The following DCC variants were observed in gnomAD, a reference collection of about 807,000 sequenced individuals.
DCC encodes netrin receptor DCC.
In DCC, 58 loss-of-function variants were observed where a neutral mutation model predicts 172.5. That is an observed-to-expected ratio of 0.34 (90% CI 0.27 to 0.42). The LOEUF is 0.42. Among genes scored for constraint, DCC ranks in the 10% least tolerant of loss-of-function variants. The probability of loss-of-function intolerance (pLI) is 1.00; values close to 1 mark genes in which losing one functional copy is unlikely to be tolerated. For synonymous variants in DCC, 709 were observed against 644.5 expected (o/e 1.10, Z -1.52); for missense variants, 1,740 against 1,791.0 (o/e 0.97, Z 0.51).
intron 18 of DCC, among the ~76,000 whole-genome samples, chr18:53,401,925 G>A (rs755964761): frequency 1.3e-5 from 2 of 152,106 alleles, no homozygotes; most frequent in Non-Finnish European, 2.9e-5. Context: ...AGTAGTCTTA[G>A]GAGCAGGACT....
At chr18:53,160,211 A>G (rs2054814224) in intron 8 of DCC, among the ~76,000 whole-genome samples, 1 of 152,144 alleles carries the variant, frequency 6.6e-6, no homozygotes. Flanking sequence ...ACTTGCTGCC[A>G]TGGTTATACC....
intron 1 of DCC, among the ~76,000 whole-genome samples, chr18:52,509,579 C>T (rs62081288): frequency 6.6e-6 from 1 of 152,302 alleles, no homozygotes; most frequent in East Asian, 1.9e-4. Context: ...CTTCTTCCAT[C>T]TCATCCAGAA....
At chr18:53,216,417 A>C (rs962639950) in intron 12 of DCC, among the ~76,000 whole-genome samples, 1 of 152,176 alleles carries the variant, frequency 6.6e-6, no homozygotes, top group Non-Finnish European at 1.5e-5. Flanking sequence ...AGGTCTTAGA[A>C]AAAGTCATAC....
At chr18:53,069,379 G>T (rs147014311) in intron 7 of DCC, among the ~76,000 whole-genome samples, 184 of 152,208 alleles carry the variant, frequency 1.2e-3, no homozygotes, top group African/African-American at 4.2e-3. Context: ...GAAGAACAAG[G>T]GTGTCAGTTC....
intron 20 of DCC, among the ~76,000 whole-genome samples, chr18:53,411,086 C>A (rs191429982): frequency 1.7e-4 from 25 of 146,438 alleles, no homozygotes; most frequent in African/African-American, 5.7e-4. Flanking sequence ...AGTTCCAAAC[C>A]AAAAAAAAAG....
intron 1 of DCC, among the ~76,000 whole-genome samples, chr18:52,700,048 C>CA (rs34893826): frequency 0.01 from 1,462 of 140,590 alleles, 19 homozygotes; most frequent in African/African-American, 0.028. Flanking sequence ...TCTGTTTATG[C>CA]AAAAAAAAAA....
chr18:52,567,046 C>T (rs1419759608), intron 1 of DCC, among the ~76,000 whole-genome samples: 1 of 152,196 alleles, frequency 6.6e-6, no homozygotes, highest in Non-Finnish European at 1.5e-5. Context: ...ATACCTAGGA[C>T]AGTAATACTT....
At chr18:53,136,193 T>TTATCTATCTATATATC in intron 7 of DCC, among the ~76,000 whole-genome samples, 1 of 149,064 alleles carries the variant, frequency 6.7e-6, no homozygotes, top group South Asian at 2.1e-4. Context: ...GCATGTGATT[T>TTATCTATCTATATATC]TATCTATCTA....
At chr18:53,039,119 A>G (rs1213147219) in intron 5 of DCC, among the ~76,000 whole-genome samples, 1 of 151,968 alleles carries the variant, frequency 6.6e-6, no homozygotes, top group African/African-American at 2.4e-5. Flanking sequence ...GATTTATTAC[A>G]CAAAGTCTGT....
chr18:53,057,673 G>GA (rs1474340099), intron 5 of DCC, among the ~76,000 whole-genome samples: 3 of 152,038 alleles, frequency 2.0e-5, no homozygotes, highest in Non-Finnish European at 4.4e-5. Context: ...GCTTTTCTCT[G>GA]AAATGGACTA....
chr18:53,390,051 T>C (rs1255164836), intron 16 of DCC, among the ~76,000 whole-genome samples: 1 of 152,216 alleles, frequency 6.6e-6, no homozygotes, highest in East Asian at 1.9e-4. Context: ...CCTGCTTTAA[T>C]TTGGCAAAAA....
intron 15 of DCC, among the ~76,000 whole-genome samples, chr18:53,356,027 A>G (rs1019041592): frequency 5.3e-5 from 8 of 152,042 alleles, no homozygotes; most frequent in African/African-American, 1.9e-4. Context: ...CAGAACTGCA[A>G]TTAAACAGAT....
At chr18:52,598,928 A>T (rs930530792) in intron 1 of DCC, among the ~76,000 whole-genome samples, 1 of 152,178 alleles carries the variant, frequency 6.6e-6, no homozygotes, top group African/African-American at 2.4e-5. Flanking sequence ...GAAGGGCAAG[A>T]GAAACAAACT....
intron 2 of DCC, among the ~76,000 whole-genome samples, chr18:52,802,435 C>A (rs1168569413): frequency 6.6e-6 from 1 of 150,792 alleles, no homozygotes; most frequent in Non-Finnish European, 1.5e-5. Context: ...GCCATGCCAA[C>A]CCCCACACAA....
At chr18:52,441,388 G>C (rs1282789324) in intron 1 of DCC, among the ~76,000 whole-genome samples, 1 of 152,160 alleles carries the variant, frequency 6.6e-6, no homozygotes, top group Admixed American at 6.5e-5. Flanking sequence ...TGCTTCTCAA[G>C]ATTCCCTTTC....
chr18:52,950,387 TA>T (rs2040618449), intron 5 of DCC, among the ~76,000 whole-genome samples: 1 of 152,200 alleles, frequency 6.6e-6, no homozygotes, highest in African/African-American at 2.4e-5. Context: ...ATCAACTCTT[TA>T]AAAACCATCA....
intron 1 of DCC, among the ~76,000 whole-genome samples, chr18:52,511,435 G>A (rs569667885): frequency 6.6e-6 from 1 of 152,164 alleles, no homozygotes; most frequent in African/African-American, 2.4e-5. Flanking sequence ...CCTCTTCGAC[G>A]TGGAAAGGAA....
intron 2 of DCC, among the ~76,000 whole-genome samples, chr18:52,785,382 G>A (rs1417236299): frequency 6.6e-6 from 1 of 151,928 alleles, no homozygotes; most frequent in South Asian, 2.1e-4. Flanking sequence ...AAAGAGAAAA[G>A]CATTACCAAA....
chr18:53,375,651 A>G (rs1489100366), intron 15 of DCC, among the ~76,000 whole-genome samples: 3 of 150,952 alleles, frequency 2.0e-5, no homozygotes, highest in African/African-American at 7.3e-5. Flanking sequence ...ATGTGAACAA[A>G]AAGAGGAAAA....
Sources: gnomAD v4.1 joint callset for allele counts (sites outside exome capture counted in the v4.1 genomes callset) on GRCh38, gnomAD v4.1.1 for gene constraint, MANE v1.5 for transcripts, NCBI Gene and HGNC (gene_info 2026-07-23, HGNC 2026-07-21) for gene names.